The following ZNF717 variants were observed in gnomAD, a reference collection of about 807,000 sequenced individuals.
The protein encoded by ZNF717 is zinc finger protein 717.
In ZNF717, 9 loss-of-function variants were observed where a neutral mutation model predicts 13.8. The ratio of observed to expected loss-of-function variants is 0.65; its 90% CI spans 0.39 to 1.14. ZNF717 has a LOEUF of 1.14. Among genes scored for constraint, ZNF717 ranks in the 50% most tolerant of loss-of-function variants. The pLI, the probability that ZNF717 is intolerant of heterozygous loss-of-function variation, is 0.01. For synonymous variants in ZNF717, 327 were observed against 364.1 expected (o/e 0.90, Z 1.16); for missense variants, 1,040 against 1,080.7 (o/e 0.96, Z 0.53).
At chr3:75,713,911 T>C (rs1474089824) in intron 5 of ZNF717, among the ~76,000 whole-genome samples, 1 of 152,110 alleles carries the variant, frequency 6.6e-6, no homozygotes, top group Non-Finnish European at 1.5e-5. Context: ...TAAGGTCACA[T>C]GGGTCATGTG....
At chr3:75,763,717 A>T (rs1023726362) in intron 2 of ZNF717, among the ~76,000 whole-genome samples, 1 of 152,280 alleles carries the variant, frequency 6.6e-6, no homozygotes, top group Non-Finnish European at 1.5e-5. Context: ...AGAAAGTGAG[A>T]CATCAAACTA....
chr3:75,782,622 G>A (rs1944896486), intron 2 of ZNF717, among the ~76,000 whole-genome samples: 1 of 151,756 alleles, frequency 6.6e-6, no homozygotes, highest in African/African-American at 2.4e-5. Context: ...GATGGAAGCT[G>A]TGCTTTAGCG....
At chr3:75,730,663 T>C (rs1938477303) in intron 5 of ZNF717, 1 of 699,778 alleles carries the variant, frequency 1.4e-6, no homozygotes, top group Non-Finnish European at 2.6e-6. Context: ...CAATGGTACC[T>C]GAATCCATCA....
chr3:75,739,014 T>C lies in ZNF717; in HGVS notation c.609A>G (p.Gln203=), dbSNP rs200778975. ...TACATTGAAAAGTCTGCAGCAGAGT[T>C]TGAATCTTGTGATGCTGAGTAAGAT... ...HEHLTQHHKI[Q]TLLQTFQCNE... Residue 203 remains glutamine (Q), a synonymous_variant, in exon 5 of 5, where the codon CAA becomes CAG. Transcript: ENST00000652011. The C allele has an allele frequency of 1.3e-6, 2 of 1,551,564 alleles. No homozygotes were observed. The highest frequency in any genetic ancestry group is 1.4e-5 in the African/African-American group (1 of 73,146).
chr3:75,722,913 A>G (rs1938197878), intron 4 of ZNF717, among the ~76,000 whole-genome samples: 1 of 152,012 alleles, frequency 6.6e-6, no homozygotes, highest in African/African-American at 2.4e-5. Flanking sequence ...GCATGACACC[A>G]CATCATATGC....
chr3:75,740,612 A>T (rs2107171442), intron 4 of ZNF717, among the ~76,000 whole-genome samples: 1 of 142,600 alleles, frequency 7.0e-6, no homozygotes, highest in Middle Eastern at 3.8e-3. Flanking sequence ...TACGAGGATC[A>T]TTTAAGGCCA....
Position 75,736,134 on chromosome 3 carries a change from G to A in ZNF717, c.*744C>T, listed in dbSNP as rs1484146258. The A allele has an allele frequency of 6.6e-6, 1 of 152,270 alleles. No homozygotes were observed. Among genetic ancestry groups the A allele is most frequent in the African/African-American group, 2.4e-5 (1 of 41,454 alleles). 9.4% of individuals were successfully genotyped at this position (152,270 alleles called of 1,614,324 possible). A position where few individuals can be genotyped will look rare whatever the true frequency, so the allele number is the denominator to read the frequency against. On this transcript the variant is annotated 3_prime_UTR_variant, in exon 5 of 5. Transcript: ENST00000652011. ...GAACTCTATGGAAGATAGCAAACGT[G>A]ATGGAAAAATGTTGTGTTTGACTGC...
intron 2 of ZNF717, among the ~76,000 whole-genome samples, chr3:75,747,275 G>C (rs1233089280): frequency 3.5e-4 from 53 of 152,164 alleles, no homozygotes; most frequent in Non-Finnish European, 6.8e-4. Context: ...TTGTAGTATA[G>C]TTTGAAGTCT....
chr3:75,756,903 C>T (rs1438755801), intron 2 of ZNF717, among the ~76,000 whole-genome samples: 4 of 152,110 alleles, frequency 2.6e-5, no homozygotes, highest in Non-Finnish European at 5.9e-5. Context: ...GTCGAACTCC[C>T]GAACTCAGGT....
intron 2 of ZNF717, among the ~76,000 whole-genome samples, chr3:75,755,751 CAG>C (rs1211695220): frequency 4.6e-5 from 7 of 152,240 alleles, no homozygotes; most frequent in African/African-American, 1.2e-4. Flanking sequence ...CTAAGAAAGA[CAG>C]GGAAAATGTA....
At chr3:75,742,415 T>A (rs1288955309) in intron 2 of ZNF717, among the ~76,000 whole-genome samples, 2 of 151,702 alleles carry the variant, frequency 1.3e-5, no homozygotes, top group Admixed American at 1.3e-4. Flanking sequence ...CTGGGAATAA[T>A]GTTTAGGTGA....
In ZNF717 at chr3:75,737,847, T is replaced by G. The variant is rs1406794733; in HGVS notation, c.1776A>C (p.Glu592Asp). The change falls in exon 5 of 5, where the codon GAA becomes GAC. Residue 592 changes from glutamate to aspartate, a missense_variant. By Grantham distance (45) the Glu-to-Asp change is conservative. Around this residue, in one of 3 missense-constraint regions of ZNF717, gnomAD observed 873 missense variants for 832.8 expected, o/e 1.05. Coordinates refer to ENST00000652011, the MANE Select transcript of ZNF717 (RefSeq NM_001290208.3). ...TAAAGGTTTTCTCACATTCATTACA[T>G]TCATAGGGTTTTTTGCCAGCATGAG... ...QRTHAGKKPYECNECEKTFIN... is the reference protein window; with the variant it reads ...QRTHAGKKPYDCNECEKTFIN... The G allele has an allele frequency of 6.4e-7, 1 of 1,551,648 alleles. No homozygotes were observed. The highest frequency in any genetic ancestry group is 2.0e-5 in the Admixed American group (1 of 50,990).
chr3:75,701,758 C>A (rs75573773), intron 6 of ZNF717, among the ~76,000 whole-genome samples: 1 of 143,134 alleles, frequency 7.0e-6, no homozygotes, highest in African/African-American at 2.6e-5. Flanking sequence ...TAATACACTA[C>A]AATATATTGA....
At chr3:75,707,122 T>C (rs1280231227), downstream of ZNF717, among the ~76,000 whole-genome samples, 2 of 152,298 alleles carry the variant, frequency 1.3e-5, no homozygotes, top group Non-Finnish European at 2.9e-5. Flanking sequence ...TCTTGAGGTT[T>C]GGGCCACACA....
At position 75,743,402 on chromosome 3, in the gene ZNF717, G is replaced by A. The variant is rs113729949; in HGVS notation, c.58-1666C>T. On this transcript the variant is annotated intron_variant, in intron 2 of 4. Transcript: ENST00000652011. ...ATGCAAAACCCATGGATACAAAAGG[G>A]TGAATATACTTAATTAAAAGCATAT... is the stretch of plus-strand genomic sequence containing the variant. Among the ~76,000 whole-genome samples, 1,445 of 152,272 alleles carry A rather than the reference G, an allele frequency of 9.5e-3. 18 individuals carry two copies. Among genetic ancestry groups the A allele is most frequent in the African/African-American group, 0.034 (1,400 of 41,544 alleles).
At chr3:75,696,410 A>G (rs1937603705) in intron 6 of ZNF717, among the ~76,000 whole-genome samples, 1 of 152,300 alleles carries the variant, frequency 6.6e-6, no homozygotes, top group South Asian at 2.1e-4. Flanking sequence ...TCAAAACCAG[A>G]CAGAGACACA....
chr3:75,699,551 C>A (rs75553921), intron 6 of ZNF717, among the ~76,000 whole-genome samples: 2 of 152,430 alleles, frequency 1.3e-5, no homozygotes, highest in Middle Eastern at 3.4e-3. Context: ...TGTGTAGCAC[C>A]TCCCCCCTGC....
intron 1 of ZNF717, 144 bp downstream of exon 1, chr3:75,785,240 A>C (rs1219582246): frequency 6.6e-6 from 1 of 152,400 alleles, no homozygotes; most frequent in East Asian, 1.9e-4. Flanking sequence ...CGGCTCCCTC[A>C]GCGGCAGGAC....
At chr3:75,704,535 A>G (rs1204472877) in intron 6 of ZNF717, among the ~76,000 whole-genome samples, 1 of 152,426 alleles carries the variant, frequency 6.6e-6, no homozygotes, top group East Asian at 1.9e-4. Flanking sequence ...ACTCAGCCCC[A>G]AAAGTTAGAG....
Sources: gnomAD v4.1 joint callset for allele counts (sites outside exome capture counted in the v4.1 genomes callset) on GRCh38, gnomAD v4.1.1 for gene constraint, gnomAD v4.1.1 regional missense constraint, MANE v1.5 for transcripts, NCBI Gene and HGNC (gene_info 2026-07-23, HGNC 2026-07-21) for gene names.